Variants in C1GALT1 observed in about 807,000 individuals in gnomAD.
The protein encoded by C1GALT1 is glycoprotein-N-acetylgalactosamine 3-beta-galactosyltransferase 1.
Under a neutral mutation model 31.0 loss-of-function variants are expected in C1GALT1, and 11 were observed. The observed-to-expected ratio is 0.36, with a 90% confidence interval of 0.22 to 0.59. The LOEUF (loss-of-function observed/expected upper bound fraction) is 0.59. C1GALT1 is among the 20% of genes least tolerant of loss of function. C1GALT1 has a pLI of 0.79. For synonymous variants in C1GALT1, 175 were observed against 143.6 expected, an observed-to-expected ratio of 1.22 and a Z score of -1.56; for missense variants, 424 against 425.2, an observed-to-expected ratio of 1.00 and a Z score of 0.03.
Position 7,193,559 on chromosome 7 carries a change from C to G in C1GALT1, c.-18+10739C>G, listed in dbSNP as rs372217809. 8.5e-4 allele frequency among the ~76,000 whole-genome samples: 130 copies of G among 152,202 alleles called. 1 individual carries two copies. The South Asian group carries it at 0.018, about 21-fold the overall frequency. ...TACCATGCTGTTTCGGTAACTATAG[C>G]CTTTTAGTTTAGTTTGAAGTCGGGT... On this transcript the variant is annotated intron_variant, in intron 1 of 3. Transcript: ENST00000436587.
intron 1 of C1GALT1, among the ~76,000 whole-genome samples, chr7:7,203,143 C>G (rs775285866): frequency 3.7e-5 from 5 of 136,796 alleles, no homozygotes; most frequent in Non-Finnish European, 7.7e-5. Context: ...AAGATCATAT[C>G]ATTTGTAAGA....
At chr7:7,200,938 C>T (rs376490104) in intron 1 of C1GALT1, among the ~76,000 whole-genome samples, 2 of 152,146 alleles carry the variant, frequency 1.3e-5, no homozygotes, top group African/African-American at 4.8e-5. Flanking sequence ...GCGATGGGTT[C>T]GAGCATCCTC....
intron 1 of C1GALT1, among the ~76,000 whole-genome samples, chr7:7,231,448 T>G (rs1254168418): frequency 6.6e-6 from 1 of 152,208 alleles, no homozygotes; most frequent in Admixed American, 6.5e-5. Context: ...CAGTTAACAC[T>G]TACATTAGAC....
chr7:7,167,245 A>G (rs1780408353), intron 2 of C1GALT1, among the ~76,000 whole-genome samples: 1 of 152,214 alleles, frequency 6.6e-6, no homozygotes. Flanking sequence ...ATAAATTGAG[A>G]GCAACAGGTC....
In C1GALT1 at chr7:7,234,291, TTG is replaced by T; in HGVS notation, c.-17-10_-17-9del. 2 of 1,588,462 alleles carry T rather than the reference TTG, an allele frequency of 1.3e-6. No individual in the cohort carries two copies. Among genetic ancestry groups the T allele is most frequent in the Non-Finnish European group, 1.7e-6 (2 of 1,159,128 alleles). On this transcript the variant is annotated splice_polypyrimidine_tract_variant and intron_variant, in intron 1 of 3. Transcript: ENST00000436587. ...TGATTTTATAACATCCTGCTAATTT[TTG>T]TTCTTACAGAAATACACTTTCGGGA...
chr7:7,191,608 G>T (rs1450337279), intron 1 of C1GALT1, among the ~76,000 whole-genome samples: 3 of 152,024 alleles, frequency 2.0e-5, no homozygotes, highest in Non-Finnish European at 4.4e-5. Context: ...GTATACAAGG[G>T]TTCCAGTTTC....
At chr7:7,186,229 A>C (rs919006443) in intron 1 of C1GALT1, among the ~76,000 whole-genome samples, 1 of 152,196 alleles carries the variant, frequency 6.6e-6, no homozygotes, top group Non-Finnish European at 1.5e-5. Flanking sequence ...CTTAGTACCC[A>C]GTCACCATTT....
At chr7:7,169,261 A>T (rs1780428264) in intron 2 of C1GALT1, among the ~76,000 whole-genome samples, 1 of 152,174 alleles carries the variant, frequency 6.6e-6, no homozygotes, top group South Asian at 2.1e-4. Flanking sequence ...TTCTTGGTTG[A>T]TGAACACTTG....
intron 1 of C1GALT1, among the ~76,000 whole-genome samples, chr7:7,229,557 A>G (rs988059140): frequency 6.6e-6 from 1 of 152,206 alleles, no homozygotes; most frequent in Non-Finnish European, 1.5e-5. Context: ...TCGAACAGAT[A>G]CTTGACTAAT....
chr7:7,161,666 T>C (rs1244255207), intron 2 of C1GALT1, among the ~76,000 whole-genome samples: 9 of 151,972 alleles, frequency 5.9e-5, no homozygotes, highest in Non-Finnish European at 1.5e-5. Flanking sequence ...GCTCAGAAAA[T>C]AGTAGATAGT....
At chr7:7,194,603 T>C (rs898016422) in intron 1 of C1GALT1, among the ~76,000 whole-genome samples, 2 of 152,162 alleles carry the variant, frequency 1.3e-5, no homozygotes. Context: ...TTTGCATCTA[T>C]GTTCATCAGG....
At chr7:7,192,122 C>A (rs1439096559) in intron 1 of C1GALT1, among the ~76,000 whole-genome samples, 2 of 151,654 alleles carry the variant, frequency 1.3e-5, no homozygotes, top group African/African-American at 4.8e-5. Context: ...GTCTTTGATC[C>A]ATTTTGAGTT....
At chr7:7,243,407 C>T in intron 3 of C1GALT1, 117 bp from the exon 4 acceptor site, 1 of 825,500 alleles carries the variant, frequency 1.2e-6, no homozygotes, top group South Asian at 1.9e-5. Flanking sequence ...TCTGCTTTAC[C>T]TTGCCATCTT....
chr7:7,172,777 T>A (rs923351755), intron 2 of C1GALT1, among the ~76,000 whole-genome samples: 2 of 152,208 alleles, frequency 1.3e-5, no homozygotes, highest in Non-Finnish European at 2.9e-5. Flanking sequence ...GAGTGGTACA[T>A]TTGTTACTAT....
At chr7:7,204,297 C>T (rs1781646639) in intron 1 of C1GALT1, among the ~76,000 whole-genome samples, 1 of 151,924 alleles carries the variant, frequency 6.6e-6, no homozygotes, top group African/African-American at 2.4e-5. Context: ...TATTCTGTTT[C>T]AGTAAGTTTT....
chr7:7,233,634 C>A (rs989847022), intron 1 of C1GALT1, among the ~76,000 whole-genome samples: 1 of 152,178 alleles, frequency 6.6e-6, no homozygotes, highest in African/African-American at 2.4e-5. Context: ...TCTATTGTAG[C>A]TATTCACTCT....
At chr7:7,163,582 A>G (rs938249230) in intron 2 of C1GALT1, among the ~76,000 whole-genome samples, 14 of 152,282 alleles carry the variant, frequency 9.2e-5, no homozygotes, top group Middle Eastern at 3.4e-3. Context: ...GTCTCAGCCC[A>G]AAATCTCCTT....
chr7:7,192,246 A>T (rs1345935509), intron 1 of C1GALT1, among the ~76,000 whole-genome samples: 1 of 151,908 alleles, frequency 6.6e-6, no homozygotes, highest in Non-Finnish European at 1.5e-5. Flanking sequence ...CCCCTCACCC[A>T]AGCAGTGTAC....
At chr7:7,234,958 A>C (rs1170917092) in intron 2 of C1GALT1, 1 of 153,380 alleles carries the variant, frequency 6.5e-6, no homozygotes, top group African/African-American at 2.4e-5. Flanking sequence ...TAATAGAACT[A>C]ATCTTTTTTT....
Sources: allele counts gnomAD v4.1 joint callset (sites outside exome capture counted in the v4.1 genomes callset), GRCh38; gene constraint gnomAD v4.1.1; transcripts MANE v1.5; gene names NCBI Gene and HGNC (gene_info 2026-07-23, HGNC 2026-07-21).